Variants in CNTNAP2 observed in about 807,000 individuals in gnomAD.
CNTNAP2 encodes contactin-associated protein-like 2.
Under a neutral mutation model 155.2 loss-of-function variants are expected in CNTNAP2, and 98 were observed. That is an observed-to-expected ratio of 0.63 (90% CI 0.54 to 0.75). CNTNAP2 has a LOEUF of 0.75. Ranked by LOEUF, CNTNAP2 falls within the 30% of genes least tolerant of loss-of-function variation. The pLI is 0.00. For missense variants in CNTNAP2, 1,727 were observed against 1,688.1 expected (o/e 1.02, Z -0.40); for synonymous variants, 651 against 631.2 (o/e 1.03, Z -0.47).
chr7:146,893,696 C>T (rs1223106084), intron 3 of CNTNAP2, among the ~76,000 whole-genome samples: 1 of 152,074 alleles, frequency 6.6e-6, no homozygotes, highest in African/African-American at 2.4e-5. Context: ...CCATAATCAG[C>T]CATACTGCCT....
chr7:146,922,412 G>T (rs1358833882), intron 3 of CNTNAP2, among the ~76,000 whole-genome samples: 1 of 152,046 alleles, frequency 6.6e-6, no homozygotes, highest in Non-Finnish European at 1.5e-5. Flanking sequence ...ATACAAAAAA[G>T]TCCCCCCATG....
At chr7:147,876,199 T>G (rs2116708202) in intron 13 of CNTNAP2, among the ~76,000 whole-genome samples, 1 of 152,298 alleles carries the variant, frequency 6.6e-6, no homozygotes, top group Middle Eastern at 3.4e-3. Flanking sequence ...TCCTGCTCTC[T>G]CACGTCACTT....
At chr7:146,588,785 A>G (rs1798737573) in intron 1 of CNTNAP2, among the ~76,000 whole-genome samples, 1 of 152,128 alleles carries the variant, frequency 6.6e-6, no homozygotes, top group African/African-American at 2.4e-5. Context: ...CTGGGGTTAC[A>G]GGTGTGAGCC....
At chr7:146,927,597 C>T (rs939863929) in intron 3 of CNTNAP2, among the ~76,000 whole-genome samples, 1 of 147,182 alleles carries the variant, frequency 6.8e-6, no homozygotes, top group Non-Finnish European at 1.5e-5. Context: ...CAATATTACT[C>T]CTGGAATAAT....
At chr7:147,235,312 T>C (rs1803774476) in intron 8 of CNTNAP2, among the ~76,000 whole-genome samples, 1 of 151,562 alleles carries the variant, frequency 6.6e-6, no homozygotes, top group South Asian at 2.1e-4. Context: ...GACAATTCCT[T>C]ACAATGAACC....
intron 8 of CNTNAP2, among the ~76,000 whole-genome samples, chr7:147,147,503 G>T (rs998923548): frequency 1.3e-5 from 2 of 152,108 alleles, no homozygotes; most frequent in Non-Finnish European, 2.9e-5. Context: ...GTGTCCCTTA[G>T]AGCTCTAAGT....
At chr7:147,177,173 G>T (rs1393494344) in intron 8 of CNTNAP2, among the ~76,000 whole-genome samples, 1 of 151,234 alleles carries the variant, frequency 6.6e-6, no homozygotes, top group African/African-American at 2.4e-5. Flanking sequence ...CTTTAATCCT[G>T]CTGAGGGAAG....
chr7:148,225,615 C>T lies in CNTNAP2; in HGVS notation c.3248-4031C>T, dbSNP rs113298821. Among the ~76,000 whole-genome samples the T allele has an allele frequency of 5.2e-3, 793 of 152,240 alleles. 11 individuals carry two copies. Among genetic ancestry groups the T allele is most frequent in the African/African-American group, 0.018 (744 of 41,538 alleles). On this transcript the variant is annotated intron_variant, in intron 19 of 23. Coordinates refer to ENST00000361727, the MANE Select transcript of CNTNAP2 (RefSeq NM_014141.6). ...TTGAGCAGAGGATCACTCTGACCAC[C>T]GTGTGGTGAGGACACTGTGTATCTC... is the stretch of plus-strand genomic sequence containing the variant.
chr7:147,671,213 G>A (rs2116966371), intron 13 of CNTNAP2, among the ~76,000 whole-genome samples: 1 of 152,332 alleles, frequency 6.6e-6, no homozygotes, highest in African/African-American at 2.4e-5. Flanking sequence ...CCTGCAAGGA[G>A]TTGACGGCTG....
Position 148,117,015 on chromosome 7 carries a change from A to G in CNTNAP2, c.2384-1103A>G, listed in dbSNP as rs11978601. ...AGTGTACTCAGAAATGTGCACATTA[A>G]AAAGGAATTTCTCCCCTGAAGATGA... On this transcript the variant is annotated intron_variant, in intron 15 of 23. Coordinates refer to ENST00000361727, the MANE Select transcript of CNTNAP2 (RefSeq NM_014141.6). Among the ~76,000 whole-genome samples, 526 of 152,348 alleles carry G rather than the reference A, an allele frequency of 3.5e-3. 3 individuals carry two copies. Among genetic ancestry groups the G allele is most frequent in the African/African-American group, 0.012 (509 of 41,586 alleles).
chr7:147,772,911 G>A (rs1172877605), intron 13 of CNTNAP2, among the ~76,000 whole-genome samples: 1 of 152,092 alleles, frequency 6.6e-6, no homozygotes, highest in Non-Finnish European at 1.5e-5. Context: ...CACCTCATCA[G>A]AGTCATATCC....
intron 9 of CNTNAP2, among the ~76,000 whole-genome samples, chr7:147,307,509 A>C (rs1171868200): frequency 6.6e-6 from 1 of 152,122 alleles, no homozygotes; most frequent in African/African-American, 2.4e-5. Context: ...GCTTGAACCC[A>C]GGAGGCAGAG....
At chr7:147,232,890 T>G (rs538629528) in intron 8 of CNTNAP2, among the ~76,000 whole-genome samples, 5 of 152,334 alleles carry the variant, frequency 3.3e-5, no homozygotes, top group Admixed American at 2.0e-4. Context: ...AGGAGAAGCC[T>G]TGAGTGTAGA....
intron 1 of CNTNAP2, among the ~76,000 whole-genome samples, chr7:146,483,265 G>T (rs1796992919): frequency 9.9e-6 from 1 of 100,540 alleles, no homozygotes; most frequent in Non-Finnish European, 1.9e-5. Flanking sequence ...AACAGAGCAA[G>T]ACTCCGTCTA....
chr7:146,251,011 A>G (rs1272362790), intron 1 of CNTNAP2, among the ~76,000 whole-genome samples: 2 of 152,086 alleles, frequency 1.3e-5, no homozygotes, highest in Non-Finnish European at 2.9e-5. Context: ...ATGAGTGACA[A>G]TTTTTCCAAT....
chr7:146,793,448 G>A (rs1802709472), intron 2 of CNTNAP2, among the ~76,000 whole-genome samples: 1 of 152,228 alleles, frequency 6.6e-6, no homozygotes, highest in Non-Finnish European at 1.5e-5. Context: ...GATGTGCAGG[G>A]TGTAATCATA....
intron 9 of CNTNAP2, among the ~76,000 whole-genome samples, chr7:147,340,179 G>A (rs1357869249): frequency 6.6e-6 from 1 of 152,070 alleles, no homozygotes; most frequent in Non-Finnish European, 1.5e-5. Context: ...TGTCCATTAT[G>A]TTTGAATATC....
At chr7:148,142,463 T>C (rs1805095799) in intron 16 of CNTNAP2, among the ~76,000 whole-genome samples, 1 of 152,204 alleles carries the variant, frequency 6.6e-6, no homozygotes, top group African/African-American at 2.4e-5. Context: ...AAATATCTGT[T>C]CTACCAATTA....
intron 14 of CNTNAP2, among the ~76,000 whole-genome samples, chr7:147,912,243 G>A (rs927497768): frequency 9.9e-5 from 15 of 152,170 alleles, no homozygotes; most frequent in African/African-American, 3.6e-4. Context: ...ACTAGTAAAT[G>A]CTCAAGAAAT....
Sources: allele counts gnomAD v4.1 joint callset (sites outside exome capture counted in the v4.1 genomes callset), GRCh38; gene constraint gnomAD v4.1.1; transcripts MANE v1.5; gene names NCBI Gene and HGNC (gene_info 2026-07-23, HGNC 2026-07-21).